Variants in FAM227B observed in about 807,000 individuals in gnomAD.
The protein encoded by FAM227B is family with sequence similarity 227 member B, also known as protein FAM227B.
FAM227B carries 88 observed loss-of-function variants against 73.8 expected under a neutral mutation model. The observed-to-expected ratio is 1.19, with a 90% CI of 1.00 to 1.42. The LOEUF (loss-of-function observed/expected upper bound fraction) is 1.42. Ranked by LOEUF, FAM227B falls within the 40% of genes most tolerant of loss-of-function variation. FAM227B has a pLI of 0.00. For missense variants in FAM227B, 632 were observed against 590.9 expected (o/e 1.07, Z -0.72); for synonymous variants, 210 against 190.5 (o/e 1.10, Z -0.84).
chr15:49,460,383 C>T (rs1377468147), intron 11 of FAM227B, among the ~76,000 whole-genome samples: 5 of 152,180 alleles, frequency 3.3e-5, no homozygotes, highest in Non-Finnish European at 7.3e-5. Flanking sequence ...ATATAATTTA[C>T]TTAAGTGTTT....
At chr15:49,493,101 C>T (rs975745397) in intron 11 of FAM227B, among the ~76,000 whole-genome samples, 5 of 151,952 alleles carry the variant, frequency 3.3e-5, no homozygotes, top group African/African-American at 1.2e-4. Context: ...CCCTCAGTCT[C>T]ATCTCTTCCT....
In FAM227B at chr15:49,576,833, T is replaced by C; in HGVS notation, c.454A>G (p.Thr152Ala). The C allele has an allele frequency of 6.2e-7, 1 of 1,609,342 alleles. No homozygotes were observed. Among genetic ancestry groups the C allele is most frequent in the Admixed American group, 1.7e-5 (1 of 59,792 alleles). ...GTAAGTTCATTTGCTTTGAATCCTG[T>C]GAAGCTGCAACCCTAGAAAGAGGAA... ...TEKNIEGCSF[T>A]GFKANELTQL... Residue 152 changes from threonine (T) to alanine (A), a missense_variant, in exon 7 of 16, where the codon ACA (threonine) becomes GCA (alanine). Transcript: ENST00000299338.
chr15:49,432,230 A>G (rs1307738701), intron 11 of FAM227B, among the ~76,000 whole-genome samples: 3 of 151,734 alleles, frequency 2.0e-5, no homozygotes, highest in African/African-American at 7.2e-5. Flanking sequence ...GACCAAATTC[A>G]GAATGAACTC....
intron 11 of FAM227B, among the ~76,000 whole-genome samples, chr15:49,402,592 G>C (rs2048243406): frequency 6.6e-6 from 1 of 152,096 alleles, no homozygotes; most frequent in Non-Finnish European, 1.5e-5. Context: ...TATACCTATT[G>C]TTTGTATATA....
At position 49,545,841 on chromosome 15, in the gene FAM227B, G is replaced by A. The variant is rs556149293; in HGVS notation, c.748-4035C>T. Among the ~76,000 whole-genome samples, 134 of 151,932 alleles carry A rather than the reference G, an allele frequency of 8.8e-4. 5 individuals are homozygous for A. The South Asian group carries it at 0.027, about 30-fold the overall frequency. On this transcript the variant is annotated intron_variant, in intron 9 of 15. Coordinates refer to ENST00000299338, the MANE Select transcript of FAM227B (RefSeq NM_152647.3). ...GAGTAATTTCTAATTTTATTCTACT[G>A]TGGTCTGAAAGAGTACTTCATATAA...
chr15:49,354,093 T>C (rs2042673266), intron 13 of FAM227B: 1 of 152,248 alleles, frequency 6.6e-6, no homozygotes, highest in South Asian at 2.1e-4. Context: ...ACATCACAGA[T>C]AATTCACAAC....
chr15:49,533,934 T>A (rs998180293), intron 10 of FAM227B, among the ~76,000 whole-genome samples: 1 of 151,876 alleles, frequency 6.6e-6, no homozygotes, highest in African/African-American at 2.4e-5. Context: ...GTTTTGTAGA[T>A]CCTTTGCTCA....
intron 11 of FAM227B, among the ~76,000 whole-genome samples, chr15:49,393,185 C>T (rs902713935): frequency 6.6e-6 from 1 of 152,122 alleles, no homozygotes; most frequent in African/African-American, 2.4e-5. Flanking sequence ...ATTTGAAATG[C>T]AGGTTTCTTT....
intron 11 of FAM227B, among the ~76,000 whole-genome samples, chr15:49,413,617 C>T (rs72727282): frequency 1.3e-5 from 2 of 152,156 alleles, no homozygotes; most frequent in African/African-American, 2.4e-5. Flanking sequence ...CTTTTGCCAT[C>T]TCCCAAACAT....
intron 11 of FAM227B, among the ~76,000 whole-genome samples, chr15:49,469,199 A>G (rs1391752894): frequency 6.6e-6 from 1 of 152,210 alleles, no homozygotes; most frequent in Non-Finnish European, 1.5e-5. Flanking sequence ...ACATTTGTCT[A>G]TAACAGTTGA....
At chr15:49,578,037 G>T (rs2075572558) in intron 5 of FAM227B, among the ~76,000 whole-genome samples, 1 of 152,192 alleles carries the variant, frequency 6.6e-6, no homozygotes, top group East Asian at 1.9e-4. Context: ...AATGCCTTTG[G>T]CAGTCAAGGG....
chr15:49,334,698 A>G (rs1321306530), intron 14 of FAM227B, among the ~76,000 whole-genome samples: 1 of 152,126 alleles, frequency 6.6e-6, no homozygotes, highest in African/African-American at 2.4e-5. Flanking sequence ...TGCCCGCTGG[A>G]TAGGACATAA....
intron 13 of FAM227B, among the ~76,000 whole-genome samples, chr15:49,338,479 T>C (rs2040154132): frequency 6.6e-6 from 1 of 152,226 alleles, no homozygotes; most frequent in South Asian, 2.1e-4. Context: ...TTTGTAGGGT[T>C]TCTGCAGAGA....
chr15:49,501,717 A>G (rs1051748718), intron 11 of FAM227B, among the ~76,000 whole-genome samples: 1 of 152,244 alleles, frequency 6.6e-6, no homozygotes. Context: ...AGAAATTTGC[A>G]TAACAAAAGG....
At chr15:49,518,785 A>G (rs1439249939) in intron 10 of FAM227B, among the ~76,000 whole-genome samples, 1 of 152,188 alleles carries the variant, frequency 6.6e-6, no homozygotes, top group Non-Finnish European at 1.5e-5. Context: ...CAGCCAAACC[A>G]TATCATTCCA....
At chr15:49,389,936 G>A (rs1421553603) in intron 11 of FAM227B, among the ~76,000 whole-genome samples, 1 of 151,982 alleles carries the variant, frequency 6.6e-6, no homozygotes, top group Non-Finnish European at 1.5e-5. Context: ...AGTTCTGGCC[G>A]TATTTTCTAT....
intron 1 of FAM227B, among the ~76,000 whole-genome samples, chr15:49,617,455 A>G (rs1344511810): frequency 6.6e-6 from 1 of 152,232 alleles, no homozygotes; most frequent in Non-Finnish European, 1.5e-5. Context: ...AGTGAAAAAT[A>G]GCTGAAGAAA....
At chr15:49,331,964 A>G in intron 14 of FAM227B, 115 bp from the exon 15 acceptor site, 1 of 680,332 alleles carries the variant, frequency 1.5e-6, no homozygotes, top group South Asian at 1.7e-5. Flanking sequence ...CAAGCACTTT[A>G]CATATATTAA....
intron 11 of FAM227B, among the ~76,000 whole-genome samples, chr15:49,395,382 G>A (rs1384318588): frequency 1.3e-5 from 2 of 152,250 alleles, no homozygotes; most frequent in East Asian, 1.9e-4. Flanking sequence ...TTACAAAAAT[G>A]CTATTTTAAG....
Sources: gnomAD v4.1 joint callset for allele counts (sites outside exome capture counted in the v4.1 genomes callset) on GRCh38, gnomAD v4.1.1 for gene constraint, MANE v1.5 for transcripts, NCBI Gene and HGNC (gene_info 2026-07-23, HGNC 2026-07-21) for gene names.